The following CDK13 variants were observed in gnomAD, a reference collection of about 807,000 sequenced individuals.
The protein encoded by CDK13 is cyclin-dependent kinase 13.
In CDK13, 40 loss-of-function variants were observed where a neutral mutation model predicts 137.6. That is an observed-to-expected ratio of 0.29 (90% CI 0.23 to 0.38). CDK13 has a LOEUF of 0.38. Ranked by LOEUF, CDK13 falls within the 10% of genes least tolerant of loss-of-function variation. The probability of loss-of-function intolerance (pLI) is 1.00; values close to 1 mark genes in which losing one functional copy is unlikely to be tolerated. For missense variants in CDK13, 1,704 were observed against 1,951.8 expected (o/e 0.87, Z 2.39); for synonymous variants, 869 against 760.1 (o/e 1.14, Z -2.36).
In CDK13 at chr7:40,088,255, C is replaced by T. The variant is rs1786836041; in HGVS notation, c.3159C>T (p.Asp1053=). ...PRKDLSLGLD[D]SRTNTPQGVL... ...AGGACTTGTCTCTGGGCTTGGATGACAGCAGAACCAACACACCCCAGGGTG... is the reference window on the plus strand; with the variant it reads ...AGGACTTGTCTCTGGGCTTGGATGATAGCAGAACCAACACACCCCAGGGTG... Residue 1053 remains aspartate (D), a synonymous_variant, in exon 12 of 14, where the codon GAC becomes GAT. Coordinates refer to ENST00000181839, the MANE Select transcript of CDK13 (RefSeq NM_003718.5). 2 of 1,614,062 alleles carry T rather than the reference C, an allele frequency of 1.2e-6. No individual in the cohort carries two copies. The highest frequency in any genetic ancestry group is 1.3e-5 in the African/African-American group (1 of 75,000).
rs1224667492 is a variant in CDK13, at chr7:39,976,598, A to G, written c.1212-11001A>G. ...TTTTCCATGGGGCATATATTCTAAT[A>G]CTCCCAGCGGTTGTCTGAAACCACC... is the stretch of plus-strand genomic sequence containing the variant. On this transcript the variant is annotated intron_variant, in intron 1 of 13. Coordinates refer to ENST00000181839, the MANE Select transcript of CDK13 (RefSeq NM_003718.5). Among the ~76,000 whole-genome samples, 3 of 151,582 alleles carry G rather than the reference A, an allele frequency of 2.0e-5. No homozygotes were observed. The East Asian group carries it at 5.8e-4, about 29-fold the overall frequency.
At chr7:40,009,032 T>C (rs1583982755) in intron 5 of CDK13, among the ~76,000 whole-genome samples, 1 of 152,168 alleles carries the variant, frequency 6.6e-6, no homozygotes, top group East Asian at 1.9e-4. Context: ...AATGTTAATG[T>C]GTAGGTTTTC....
At position 40,002,189 on chromosome 7, in the gene CDK13, G is replaced by T. The variant is rs1183780522; in HGVS notation, c.2353+158G>T. ...GTTTGGTAGAGTTGAATAATGAATT[G>T]ATTTACTTTAGTGGTTTTTGAGTAA... On this transcript the variant is annotated intron_variant, in intron 5 of 13. Coordinates refer to ENST00000181839, the MANE Select transcript of CDK13 (RefSeq NM_003718.5). 1.8e-5 allele frequency: 9 copies of T among 508,704 alleles called. No homozygotes were observed. In the East Asian group the frequency reaches 3.0e-4, roughly 17 times the overall value. 31.5% of individuals were successfully genotyped at this position (508,704 alleles called of 1,614,324 possible).
chr7:39,982,939 G>T (rs1186897722), intron 1 of CDK13, among the ~76,000 whole-genome samples: 2 of 152,080 alleles, frequency 1.3e-5, no homozygotes, highest in Admixed American at 6.6e-5. Flanking sequence ...TGAGTAGGTT[G>T]TGAAAATTTT....
intron 5 of CDK13, among the ~76,000 whole-genome samples, chr7:40,040,009 CTT>C (rs751184920): frequency 6.7e-5 from 9 of 133,476 alleles, no homozygotes; most frequent in Non-Finnish European, 8.0e-5. Flanking sequence ...GATTCATTTG[CTT>C]TTTTTTTTTT....
chr7:40,074,909 TAAAGG>T (rs1177974964), intron 9 of CDK13, among the ~76,000 whole-genome samples: 2 of 150,714 alleles, frequency 1.3e-5, no homozygotes, highest in Non-Finnish European at 3.0e-5. Flanking sequence ...AATAAATAAA[TAAAGG>T]AAAGAAATAG....
intron 9 of CDK13, chr7:40,067,600 A>G (rs1786308461): frequency 6.6e-6 from 1 of 152,176 alleles, no homozygotes; most frequent in Non-Finnish European, 1.5e-5. Flanking sequence ...CTTTTCTTTT[A>G]CAAAATCAAT....
At chr7:39,961,864 C>A (rs1295327242) in intron 1 of CDK13, among the ~76,000 whole-genome samples, 2 of 152,076 alleles carry the variant, frequency 1.3e-5, no homozygotes, top group African/African-American at 4.8e-5. Context: ...TCAATTCCCA[C>A]CTATGAGTGA....
At chr7:40,023,345 A>G (rs1785169327) in intron 5 of CDK13, among the ~76,000 whole-genome samples, 1 of 152,016 alleles carries the variant, frequency 6.6e-6, no homozygotes, top group Non-Finnish European at 1.5e-5. Context: ...GATTATAGGC[A>G]TGAGCCACCG....
Position 40,092,961 on chromosome 7 carries a change from A to G in CDK13, c.3412A>G (p.Thr1138Ala), listed in dbSNP as rs767316472. The change falls in exon 13 of 14, where the codon ACA (threonine) becomes GCA (alanine). Residue 1138 changes from threonine (T) to alanine (A), a missense_variant. Transcript: ENST00000181839. Reference sequence around the variant, plus strand: ...AAACCTTCCTGCTGGAATTTTGGCAACAGGTGAAAAACAGACAGATCCATC... The same window carrying G: ...AAACCTTCCTGCTGGAATTTTGGCAGCAGGTGAAAAACAGACAGATCCATC... The part of the protein sequence containing the change: ...KINLPAGILA[T>A]GEKQTDPSTP... 6.2e-7 allele frequency: 1 copy of G among 1,614,204 alleles called. No individual in the cohort carries two copies. Among genetic ancestry groups the G allele is most frequent in the Non-Finnish European group, 8.5e-7 (1 of 1,180,044 alleles).
intron 5 of CDK13, among the ~76,000 whole-genome samples, chr7:40,024,582 C>A (rs1200355836): frequency 6.9e-6 from 1 of 145,732 alleles, no homozygotes; most frequent in Non-Finnish European, 1.5e-5. Flanking sequence ...GCTGTTGCTT[C>A]ATAGTCTTTC....
At chr7:39,992,070 T>TACACACACACAC (rs148046155) in intron 2 of CDK13, among the ~76,000 whole-genome samples, 64 of 147,080 alleles carry the variant, frequency 4.4e-4, no homozygotes, top group Admixed American at 1.7e-3. Flanking sequence ...GAAAAAATTA[T>TACACACACACAC]ACACACACAC....
intron 1 of CDK13, among the ~76,000 whole-genome samples, chr7:39,970,350 C>CA (rs1783970533): frequency 6.6e-6 from 1 of 151,978 alleles, no homozygotes; most frequent in South Asian, 2.1e-4. Context: ...CCCACAGTAA[C>CA]AGATATTTTC....
intron 2 of CDK13, among the ~76,000 whole-genome samples, chr7:39,992,458 A>G (rs1333866770): frequency 6.6e-6 from 1 of 151,914 alleles, no homozygotes. Context: ...GGCCTCCCAA[A>G]ATGTTGGGAT....
chr7:39,951,562 TA>T lies in CDK13; in HGVS notation c.923del (p.Lys308ArgfsTer28). 6.5e-7 allele frequency: 1 copy of T among 1,532,106 alleles called. No homozygotes were observed. Among genetic ancestry groups the T allele is most frequent in the Non-Finnish European group, 8.8e-7 (1 of 1,141,962 alleles). The allele number at this position is 1,532,106 out of a possible 1,614,324, so 94.9% of individuals were successfully genotyped here. A position where few individuals can be genotyped will look rare whatever the true frequency, so the allele number is the denominator to read the frequency against. ...CCTACCGGGAGGACAAGACCGAGCC[TA>T]AGGCCTACAGGCGGCGGCGGTCCCT... ...KAYREDKTEP[K>X]AYRRRRSLSP... On this transcript the variant is annotated frameshift_variant, in exon 1 of 14. Coordinates refer to ENST00000181839, the MANE Select transcript of CDK13 (RefSeq NM_003718.5). LOFTEE classifies it high-confidence loss of function.
At chr7:40,018,047 G>T (rs1785039290) in intron 5 of CDK13, among the ~76,000 whole-genome samples, 1 of 151,086 alleles carries the variant, frequency 6.6e-6, no homozygotes, top group Admixed American at 6.6e-5. Context: ...TTAGTTTCTG[G>T]TGGATAAAGA....
chr7:39,975,988 G>C (rs1484506315), intron 1 of CDK13, among the ~76,000 whole-genome samples: 1 of 152,078 alleles, frequency 6.6e-6, no homozygotes, highest in Non-Finnish European at 1.5e-5. Flanking sequence ...ATAGAGATGA[G>C]ACTTTAGCTT....
intron 1 of CDK13, among the ~76,000 whole-genome samples, chr7:39,972,469 C>T (rs562292859): frequency 2.6e-5 from 4 of 152,208 alleles, no homozygotes; most frequent in Non-Finnish European, 5.9e-5. Context: ...AGCAGTCACT[C>T]CCCATTCCCA....
chr7:40,086,809 C>CTTTTTT (rs35337864), intron 11 of CDK13, among the ~76,000 whole-genome samples: 3 of 122,480 alleles, frequency 2.4e-5, no homozygotes, highest in Non-Finnish European at 5.1e-5. Flanking sequence ...TAGCCTTACT[C>CTTTTTT]TTTTTTTTTT....
Sources: gnomAD v4.1 joint callset for allele counts (sites outside exome capture counted in the v4.1 genomes callset) on GRCh38, gnomAD v4.1.1 for gene constraint, MANE v1.5 for transcripts, NCBI Gene and HGNC (gene_info 2026-07-23, HGNC 2026-07-21) for gene names.